LOXHD1: variants seen among roughly 807,000 people sequenced by gnomAD.
LOXHD1 encodes the protein lipoxygenase homology domain-containing protein 1.
In LOXHD1, 205 loss-of-function variants were observed where a neutral mutation model predicts 248.2. The observed-to-expected ratio is 0.83, with a 90% CI of 0.74 to 0.93. LOXHD1 has a LOEUF of 0.93. Ranked by LOEUF, LOXHD1 falls within the 40% of genes least tolerant of loss-of-function variation. The pLI is 0.00. For missense variants in LOXHD1, 2,930 were observed against 2,971.6 expected, an observed-to-expected ratio of 0.99 and a Z score of 0.33; for synonymous variants, 1,113 against 1,162.8, an observed-to-expected ratio of 0.96 and a Z score of 0.87.
chr18:46,512,849 T>C (rs1224504408), intron 34 of LOXHD1, among the ~76,000 whole-genome samples: 2 of 152,216 alleles, frequency 1.3e-5, no homozygotes, highest in Non-Finnish European at 2.9e-5. Context: ...TGGAATACTA[T>C]GCAGCAATGA....
At chr18:46,620,012 G>A (rs2038646031) in intron 4 of LOXHD1, among the ~76,000 whole-genome samples, 1 of 152,210 alleles carries the variant, frequency 6.6e-6, no homozygotes, top group African/African-American at 2.4e-5. Flanking sequence ...GAGGTGAGCA[G>A]CTTGAAACTG....
chr18:46,629,792 TAAAAAAA>T (rs774591794), intron 4 of LOXHD1, among the ~76,000 whole-genome samples: 1 of 126,738 alleles, frequency 7.9e-6, no homozygotes, highest in Non-Finnish European at 1.7e-5. Flanking sequence ...CACTGGGCAT[TAAAAAAA>T]AAAAAAAAGA....
chr18:46,653,528 C>T (rs973944036), intron 1 of LOXHD1, among the ~76,000 whole-genome samples: 2 of 152,194 alleles, frequency 1.3e-5, no homozygotes, highest in Admixed American at 6.5e-5. Context: ...TTGTGGAGGA[C>T]ACAGAATTCT....
At chr18:46,590,446 C>A (rs146223381) in intron 12 of LOXHD1, among the ~76,000 whole-genome samples, 1 of 152,148 alleles carries the variant, frequency 6.6e-6, no homozygotes, top group African/African-American at 2.4e-5. Context: ...AAAAGGGTTT[C>A]AAAAGCAGTT....
intron 31 of LOXHD1, among the ~76,000 whole-genome samples, chr18:46,523,414 G>A (rs1042302970): frequency 1.3e-5 from 2 of 152,174 alleles, no homozygotes; most frequent in African/African-American, 4.8e-5. Context: ...GAATGACCAG[G>A]TTAAAGGAAC....
chr18:46,581,086 A>G (rs2037953356), intron 12 of LOXHD1, among the ~76,000 whole-genome samples: 1 of 152,212 alleles, frequency 6.6e-6, no homozygotes, highest in Non-Finnish European at 1.5e-5. Flanking sequence ...GATCTGGTCT[A>G]TGTTTTAAAG....
chr18:46,490,937 G>A (rs2033428499), intron 37 of LOXHD1, among the ~76,000 whole-genome samples: 1 of 152,186 alleles, frequency 6.6e-6, no homozygotes, highest in Non-Finnish European at 1.5e-5. Flanking sequence ...GCGACTGCTG[G>A]CTGTCGAAGA....
At chr18:46,492,954 T>C (rs1258714166) in intron 37 of LOXHD1, among the ~76,000 whole-genome samples, 1 of 152,204 alleles carries the variant, frequency 6.6e-6, no homozygotes, top group Non-Finnish European at 1.5e-5. Context: ...TAAAATGATA[T>C]ATCAGATTTT....
At chr18:46,602,963 G>A (rs985711978) in intron 7 of LOXHD1, among the ~76,000 whole-genome samples, 9 of 152,062 alleles carry the variant, frequency 5.9e-5, no homozygotes, top group Admixed American at 1.3e-4. Flanking sequence ...AATTCTATTC[G>A]AGTATGTTTT....
At chr18:46,562,970 G>T in intron 18 of LOXHD1, 95 bp downstream of exon 18, 1 of 1,391,678 alleles carries the variant, frequency 7.2e-7, no homozygotes, top group Non-Finnish European at 9.7e-7. Context: ...CCCATTCTCG[G>T]GTGAGTATTG....
At chr18:46,577,612 T>C in intron 14 of LOXHD1, 95 bp downstream of exon 14, 4 of 1,404,298 alleles carry the variant, frequency 2.8e-6, no homozygotes, top group South Asian at 1.4e-5. Context: ...AGCCACTGTT[T>C]TGCTTGCTGG....
chr18:46,481,663 A>G (rs1349400933), intron 40 of LOXHD1, among the ~76,000 whole-genome samples: 1 of 152,188 alleles, frequency 6.6e-6, no homozygotes, highest in Non-Finnish European at 1.5e-5. Context: ...TTCCTCACAG[A>G]TATCTCTTCC....
chr18:46,539,128 A>C (rs1380190269), intron 25 of LOXHD1, among the ~76,000 whole-genome samples: 1 of 152,148 alleles, frequency 6.6e-6, no homozygotes, highest in Non-Finnish European at 1.5e-5. Flanking sequence ...TGGGTGGAAG[A>C]CCTTTGCTTC....
At chr18:46,540,382 G>T (rs558452258) in intron 25 of LOXHD1, among the ~76,000 whole-genome samples, 1 of 152,316 alleles carries the variant, frequency 6.6e-6, no homozygotes, top group Admixed American at 6.5e-5. Flanking sequence ...AAGGGAAACA[G>T]CCTCGACCCT....
chr18:46,569,346 G>A, intron 16 of LOXHD1, 96 bp downstream of exon 16: 1 of 1,044,502 alleles, frequency 9.6e-7, no homozygotes, highest in Non-Finnish European at 1.4e-6. Context: ...GTGTGCGTGT[G>A]TGTCTGTGTG....
rs538082802 is a variant in LOXHD1 at position 46,606,740 on chromosome 18, A to G, written c.760-2511T>C. On this transcript the variant is annotated intron_variant, in intron 6 of 40. Coordinates refer to ENST00000642948, the MANE Select transcript of LOXHD1 (RefSeq NM_001384474.1). ...CTGTATAGCATAATATACATTTTAT[A>G]TATTACATAATATACAGTATATAGC... 7.9e-4 allele frequency among the ~76,000 whole-genome samples: 120 copies of G among 152,338 alleles called. 1 individual carries two copies. The highest frequency in any genetic ancestry group is 2.8e-3 in the African/African-American group (115 of 41,588).
Position 46,477,595 on chromosome 18 carries a change from C to A in LOXHD1, c.6699G>T (p.Leu2233=). 1.3e-6 allele frequency: 2 copies of A among 1,551,754 alleles called. No homozygotes were observed. The highest frequency in any genetic ancestry group is 8.7e-7 in the Non-Finnish European group (1 of 1,147,016). ...TGTTGGTGACCTCCACCTTCTCCAC[C>A]AGCCAGCCTGAGCAGTAGCCACTGC... ...HDSSGYCSGW[L]VEKVEVTNTS... The change falls in exon 41 of 41, where the codon CTG becomes CTT. Residue 2233 remains leucine, a synonymous_variant. Coordinates refer to ENST00000642948, the MANE Select transcript of LOXHD1 (RefSeq NM_001384474.1).
Position 46,593,712 on chromosome 18 carries a change from C to T in LOXHD1, c.1319G>A (p.Gly440Asp), listed in dbSNP as rs1354397395. The change falls in exon 10 of 41, where the codon GGT (glycine) becomes GAT (aspartate). Residue 440 changes from glycine to aspartate, a missense_variant. By Grantham distance (94) the Gly-to-Asp change is moderately conservative (BLOSUM62 -1). Transcript: ENST00000642948. ...CTGGATGAAGATGGGAGAGTTGGTA[C>T]CAGCTTTCTTTAGGTCGGTTGTCCA... Reference protein sequence around the residue: ...WVWTTDLKKAGTNSPIFIQIY... With the variant: ...WVWTTDLKKADTNSPIFIQIY... 14 of 1,552,052 alleles carry T rather than the reference C, an allele frequency of 9.0e-6. No individual in the cohort carries two copies. The Admixed American group carries it at 2.6e-4, about 28-fold the overall frequency.
In LOXHD1 at chr18:46,560,158, G is replaced by A. The variant is rs746833881; in HGVS notation, c.2986C>T (p.Arg996Cys). ...TCCTCCTTGCCCCGGGCCAGCCAGC[G>A]GTGGGCTTCGAACTTGTGCTGCTCA... ...VIEQHKFEAH[R>C]WLARGKEDNE... is the part of the protein sequence containing the mutation. The change falls in exon 19 of 41, where the codon CGC (arginine) becomes TGC (cysteine). Residue 996 changes from arginine to cysteine, a missense_variant. Physicochemically the swap from Arg to Cys is radical, Grantham distance 180 (BLOSUM62 -3). Transcript: ENST00000642948. 97 of 1,520,006 alleles carry A rather than the reference G, an allele frequency of 6.4e-5. No homozygotes were observed. Among genetic ancestry groups the A allele is most frequent in the Admixed American group, 4.6e-4 (23 of 49,736 alleles). The allele number at this position is 1,520,006 out of a possible 1,614,324, so 94.2% of individuals were successfully genotyped here.
Sources: gnomAD v4.1 joint callset for allele counts (sites outside exome capture counted in the v4.1 genomes callset) on GRCh38, gnomAD v4.1.1 for gene constraint, MANE v1.5 for transcripts, NCBI Gene and HGNC (gene_info 2026-07-23, HGNC 2026-07-21) for gene names.